Variants in BCL11B observed in about 807,000 individuals in gnomAD.
BCL11B encodes B-cell lymphoma/leukemia 11B.
A neutral mutation model predicts 49.9 loss-of-function variants in BCL11B; 8 were observed. That is an observed-to-expected ratio of 0.16 (90% CI 0.09 to 0.29). The LOEUF is 0.29. Among genes scored for constraint, BCL11B ranks in the 10% least tolerant of loss-of-function variants. The pLI, the probability that BCL11B is intolerant of heterozygous loss-of-function variation, is 1.00. For synonymous variants in BCL11B, 739 were observed against 637.4 expected (o/e 1.16, Z -2.40); for missense variants, 1,006 against 1,351.0 (o/e 0.74, Z 4.00).
At chr14:99,250,657 C>T (rs1240090691) in intron 2 of BCL11B, among the ~76,000 whole-genome samples, 1 of 152,132 alleles carries the variant, frequency 6.6e-6, no homozygotes, top group African/African-American at 2.4e-5. Context: ...ATTAAAAAAA[C>T]TTTAGTCAAT....
chr14:99,223,654 G>T (rs807735), intron 3 of BCL11B, among the ~76,000 whole-genome samples: 2,883 of 152,288 alleles, frequency 0.019, 100 homozygotes, highest in African/African-American at 0.066. Context: ...CATAACATGC[G>T]GTTATGGACC....
intron 1 of BCL11B, among the ~76,000 whole-genome samples, chr14:99,269,518 C>CA (rs1555385244): frequency 1.5e-5 from 2 of 130,166 alleles, no homozygotes; most frequent in South Asian, 2.5e-4. Context: ...TTTCTATTCC[C>CA]CCCCCCCCAA....
At chr14:99,181,488 C>G (rs1382107308) in intron 3 of BCL11B, among the ~76,000 whole-genome samples, 1 of 152,228 alleles carries the variant, frequency 6.6e-6, no homozygotes, top group African/African-American at 2.4e-5. Context: ...CTGAGCAGGG[C>G]TCCAGCCCCG....
In BCL11B at chr14:99,175,341, C is replaced by A. The variant is rs1555376234; in HGVS notation, c.1495G>T (p.Glu499Ter). 1 of 1,555,190 alleles carries A rather than the reference C, an allele frequency of 6.4e-7. No individual in the cohort carries two copies. Among genetic ancestry groups the A allele is most frequent in the Non-Finnish European group, 8.7e-7 (1 of 1,156,006 alleles). ...CCCGCCAGCTCGCTGGTGCCGGGCT[C>A]GGGGGAGCTGGCGGCCGAGAGCCCG... is the stretch of plus-strand genomic sequence containing the variant. ...DDGLSAASSPEPGTSELAGEG... is the reference protein window; with the variant it reads ...DDGLSAASSP Residue 499 changes from glutamate (E) to a stop codon, truncating the protein, a stop_gained, in exon 4 of 4, where the codon GAG becomes TAG. Coordinates refer to ENST00000357195, the MANE Select transcript of BCL11B (RefSeq NM_138576.4). LOFTEE classifies it high-confidence loss of function.
At chr14:99,197,146 G>A (rs914601107) in intron 3 of BCL11B, among the ~76,000 whole-genome samples, 3 of 152,208 alleles carry the variant, frequency 2.0e-5, no homozygotes, top group Non-Finnish European at 4.4e-5. Context: ...TCCCCAGCCT[G>A]CACCCTTATC....
chr14:99,235,748 G>A (rs1288263215), intron 2 of BCL11B, among the ~76,000 whole-genome samples: 1 of 151,800 alleles, frequency 6.6e-6, no homozygotes, highest in African/African-American at 2.4e-5. Context: ...ACGCTACAGC[G>A]GTGGCAGCAG....
In BCL11B at chr14:99,174,775, G is replaced by A. The variant is rs1373636674; in HGVS notation, c.2061C>T (p.Arg687=). ...PSPGLNSAAK[R]IKVEKDLELP... ...GCTCCAGGTCCTTCTCCACCTTGAT[G>A]CGCTTGGCGGCGCTGTTGAGCCCGG... Residue 687 remains arginine, a synonymous_variant, in exon 4 of 4, where the codon CGC becomes CGT. Transcript: ENST00000357195. The A allele has an allele frequency of 6.8e-7, 1 of 1,466,502 alleles. No individual in the cohort carries two copies. Among genetic ancestry groups the A allele is most frequent in the Non-Finnish European group, 9.0e-7 (1 of 1,109,686 alleles). The allele number at this position is 1,466,502 out of a possible 1,614,324, so 90.8% of individuals were successfully genotyped here.
chr14:99,193,662 A>G (rs1378827372), intron 3 of BCL11B, among the ~76,000 whole-genome samples: 1 of 152,220 alleles, frequency 6.6e-6, no homozygotes, highest in East Asian at 1.9e-4. Flanking sequence ...CTAAGATAAT[A>G]AGAATACATG....
intron 3 of BCL11B, among the ~76,000 whole-genome samples, chr14:99,187,922 T>A (rs963907237): frequency 6.6e-6 from 1 of 152,022 alleles, no homozygotes; most frequent in African/African-American, 2.4e-5. Flanking sequence ...GAGCAGTAAA[T>A]CTCATTTTAA....
chr14:99,254,542 G>A (rs1176646034), intron 2 of BCL11B, among the ~76,000 whole-genome samples: 1 of 152,220 alleles, frequency 6.6e-6, no homozygotes, highest in Non-Finnish European at 1.5e-5. Flanking sequence ...GGACCCTCGA[G>A]GTCACCTCAC....
At chr14:99,250,552 G>A (rs1473253261) in intron 2 of BCL11B, among the ~76,000 whole-genome samples, 2 of 152,124 alleles carry the variant, frequency 1.3e-5, no homozygotes, top group South Asian at 2.1e-4. Context: ...ATTATCAGCA[G>A]AGCCCACTCC....
At chr14:99,246,436 G>T (rs374341952) in intron 2 of BCL11B, among the ~76,000 whole-genome samples, 1 of 152,220 alleles carries the variant, frequency 6.6e-6, no homozygotes, top group Non-Finnish European at 1.5e-5. Flanking sequence ...ATCAGAGGCC[G>T]GCGGCCAGGC....
rs571785292 is a variant in BCL11B at position 99,257,456 on chromosome 14, C to T, written c.427+15G>A. Reference sequence around the variant, plus strand: ...GTGGCTTCCACAGCAACCAGGCAAGCGCAGCATCCCATACCTGCAATGTTC... The same window carrying T: ...GTGGCTTCCACAGCAACCAGGCAAGTGCAGCATCCCATACCTGCAATGTTC... On this transcript the variant is annotated intron_variant, in intron 2 of 3. Coordinates refer to ENST00000357195, the MANE Select transcript of BCL11B (RefSeq NM_138576.4). The surrounding 1 kb of genome is among the most constrained non-coding windows in gnomAD (Gnocchi z 6.2). 6 of 1,570,272 alleles carry T rather than the reference C, an allele frequency of 3.8e-6. No individual in the cohort carries two copies. The highest frequency in any genetic ancestry group is 2.3e-5 in the East Asian group (1 of 44,184).
intron 3 of BCL11B, among the ~76,000 whole-genome samples, chr14:99,216,842 A>G (rs1887849077): frequency 6.6e-6 from 1 of 151,976 alleles, no homozygotes; most frequent in African/African-American, 2.4e-5. Context: ...CACACACAAA[A>G]ACACTCATAC....
At chr14:99,204,995 T>C (rs1176500826) in intron 3 of BCL11B, among the ~76,000 whole-genome samples, 2 of 152,094 alleles carry the variant, frequency 1.3e-5, no homozygotes, top group African/African-American at 2.4e-5. Flanking sequence ...CCCCCTGTCC[T>C]TGGATGGAGG....
rs935326259 is a variant in BCL11B at position 99,231,701 on chromosome 14, G to C, written c.428-144C>G. 11 of 832,226 alleles carry C rather than the reference G, an allele frequency of 1.3e-5. No individual in the cohort carries two copies. Among genetic ancestry groups the C allele is most frequent in the Non-Finnish European group, 1.9e-5 (10 of 537,420 alleles). 51.6% of individuals were successfully genotyped at this position (832,226 alleles called of 1,614,324 possible). On this transcript the variant is annotated intron_variant, in intron 2 of 3. Coordinates refer to ENST00000357195, the MANE Select transcript of BCL11B (RefSeq NM_138576.4). This position sits in a 1 kb window ranked among gnomAD's most constrained non-coding sequence, Gnocchi z 8.1. ...GCCCCCGGGGTGCCAGGCCCTGCAG[G>C]GAAGGCAATCGGGACACAGGCGAGG...
chr14:99,262,007 C>A lies in BCL11B; in HGVS notation c.59-4168G>T, dbSNP rs1000345562. On this transcript the variant is annotated intron_variant, in intron 1 of 3. Transcript: ENST00000357195. The surrounding 1 kb of genome is among the most constrained non-coding windows in gnomAD (Gnocchi z 4.2). ...AGCAATCACAAATAATAATGGACAT[C>A]GTTGTTAAGTGAAAGGGGAAGCACT... Among the ~76,000 whole-genome samples, 1 of 152,212 alleles carries A rather than the reference C, an allele frequency of 6.6e-6. No individual in the cohort carries two copies. The highest frequency in any genetic ancestry group is 2.4e-5 in the African/African-American group (1 of 41,452).
intron 2 of BCL11B, among the ~76,000 whole-genome samples, chr14:99,250,418 T>C (rs1038607133): frequency 3.3e-5 from 5 of 152,168 alleles, no homozygotes; most frequent in East Asian, 1.9e-4. Context: ...ACAGCGAGAC[T>C]CTGTCTCAAA....
At chr14:99,190,484 T>C (rs1886991486) in intron 3 of BCL11B, among the ~76,000 whole-genome samples, 2 of 152,224 alleles carry the variant, frequency 1.3e-5, no homozygotes, top group Admixed American at 6.5e-5. Context: ...CGAGACTTCG[T>C]CTCAAATAGA....
Sources: gnomAD v4.1 joint callset for allele counts (sites outside exome capture counted in the v4.1 genomes callset) on GRCh38, gnomAD v4.1.1 for gene constraint, Gnocchi (gnomAD v3.1) non-coding constraint, MANE v1.5 for transcripts, NCBI Gene and HGNC (gene_info 2026-07-23, HGNC 2026-07-21) for gene names.